PCDHGA6: variants seen among roughly 807,000 people sequenced by gnomAD.
PCDHGA6 encodes the protein protocadherin gamma subfamily A, 6.
In PCDHGA6, 41 loss-of-function variants were observed where a neutral mutation model predicts 60.6. That is an observed-to-expected ratio of 0.68 (90% CI 0.53 to 0.88). The LOEUF (loss-of-function observed/expected upper bound fraction) is 0.88, where lower values mean the gene tolerates loss of function less well. Ranked by LOEUF, PCDHGA6 falls within the 40% of genes least tolerant of loss-of-function variation. PCDHGA6 has a pLI of 0.00. For missense variants in PCDHGA6, 1,312 were observed against 1,203.0 expected (o/e 1.09, Z -1.34); for synonymous variants, 594 against 524.4 (o/e 1.13, Z -1.81).
rs1236813956 is a variant in PCDHGA6, at chr5:141,480,634, TTTCAAAC to T, written c.2425-14170_2425-14164del. On this transcript the variant is annotated intron_variant, in intron 1 of 3. Transcript: ENST00000517434. The stretch of plus-strand genomic sequence containing the variant: ...ACTGGCATTTTCCCTAGAACAATGT[TTTCAAAC>T]TTGGTTGCACATTAAAATCACCTAG... Among the ~76,000 whole-genome samples the T allele has an allele frequency of 3.9e-5, 6 of 152,332 alleles. No individual in the cohort carries two copies. In the East Asian group the frequency reaches 1.2e-3, roughly 29 times the overall value.
At chr5:141,435,863 C>T (rs772361494) in intron 1 of PCDHGA6, among the ~76,000 whole-genome samples, 16 of 151,882 alleles carry the variant, frequency 1.1e-4, no homozygotes, top group Non-Finnish European at 2.2e-4. Context: ...TAGTTAAAAC[C>T]CAGAAAAGAG....
chr5:141,400,516 C>T, intron 1 of PCDHGA6: 2 of 1,613,964 alleles, frequency 1.2e-6, no homozygotes, highest in African/African-American at 1.3e-5. Context: ...GACTTCCCAT[C>T]CTGAGTTGGT....
At chr5:141,468,077 C>T (rs180732917) in intron 1 of PCDHGA6, among the ~76,000 whole-genome samples, 1 of 152,152 alleles carries the variant, frequency 6.6e-6, no homozygotes, top group East Asian at 1.9e-4. Flanking sequence ...GTAATCCCAG[C>T]ACTTTGGGAG....
intron 1 of PCDHGA6, among the ~76,000 whole-genome samples, chr5:141,438,793 C>T (rs982191766): frequency 2.7e-5 from 4 of 149,544 alleles, no homozygotes; most frequent in African/African-American, 7.4e-5. Context: ...TCTCCAGTAG[C>T]TGGGATTACA....
Position 141,477,176 on chromosome 5 carries a change from G to A in PCDHGA6, c.2425-17631G>A. ...GAATGACAACGCCCCGGAGATCACA[G>A]TCACCTCCGTGTACAGCCCAGTACC... On this transcript the variant is annotated intron_variant, in intron 1 of 3. Transcript: ENST00000517434. The surrounding 1 kb of genome is among the most constrained non-coding windows in gnomAD (Gnocchi z 4.9). 2 of 1,614,206 alleles carry A rather than the reference G, an allele frequency of 1.2e-6. No individual in the cohort carries two copies. Among genetic ancestry groups the A allele is most frequent in the Admixed American group, 1.7e-5 (1 of 60,024 alleles).
chr5:141,393,111 C>A (rs762190466), intron 1 of PCDHGA6: 1 of 1,613,380 alleles, frequency 6.2e-7, no homozygotes, highest in African/African-American at 1.3e-5. Flanking sequence ...CGCTCAGAGC[C>A]CGCGGTGTCT....
At chr5:141,448,802 A>G (rs897172074) in intron 1 of PCDHGA6, among the ~76,000 whole-genome samples, 14 of 152,044 alleles carry the variant, frequency 9.2e-5, no homozygotes, top group Non-Finnish European at 1.8e-4. Flanking sequence ...AAAATTAGCC[A>G]GGCGTGATGG....
At chr5:141,404,524 G>C (rs368795324) in intron 1 of PCDHGA6, 3 of 1,613,938 alleles carry the variant, frequency 1.9e-6, no homozygotes, top group Non-Finnish European at 2.5e-6. Context: ...ACTATGAGCA[G>C]TTTAGAGATT....
At position 141,487,769 on chromosome 5, in the gene PCDHGA6, T is replaced by C. The variant is rs775270506; in HGVS notation, c.2425-7038T>C. Reference sequence around the variant, plus strand: ...TAACTATGTGGTAGACGCTGTGCTTTGTAACTGTTTCGTGAATTAACCAGA... The same window carrying C: ...TAACTATGTGGTAGACGCTGTGCTTCGTAACTGTTTCGTGAATTAACCAGA... On this transcript the variant is annotated intron_variant, in intron 1 of 3. Transcript: ENST00000517434. The surrounding 1 kb of genome is among the most constrained non-coding windows in gnomAD (Gnocchi z 5.0). 8 of 1,538,288 alleles carry C rather than the reference T, an allele frequency of 5.2e-6. No homozygotes were observed. The highest frequency in any genetic ancestry group is 1.2e-5 in the South Asian group (1 of 82,608).
At chr5:141,402,391 T>C (rs1344810342) in intron 1 of PCDHGA6, among the ~76,000 whole-genome samples, 3 of 151,962 alleles carry the variant, frequency 2.0e-5, no homozygotes, top group African/African-American at 7.2e-5. Context: ...AAAAATTACT[T>C]CAGAAAATTG....
At position 141,487,144 on chromosome 5, in the gene PCDHGA6, C is replaced by T. The variant is rs2099640304; in HGVS notation, c.2425-7663C>T. The T allele has an allele frequency of 6.2e-7, 1 of 1,614,032 alleles. No homozygotes were observed. Among genetic ancestry groups the T allele is most frequent in the African/African-American group, 1.3e-5 (1 of 75,056 alleles). On this transcript the variant is annotated intron_variant, in intron 1 of 3. Coordinates refer to ENST00000517434, the MANE Select transcript of PCDHGA6 (RefSeq NM_018919.3). This position sits in a 1 kb window ranked among gnomAD's most constrained non-coding sequence, Gnocchi z 5.0. ...ATAGTGGTAGTCCACCACTCTCTAC[C>T]TCTGTTACTCTCTTAGTGTCCTTAG...
intron 2 of PCDHGA6, among the ~76,000 whole-genome samples, chr5:141,502,404 C>G (rs1270930372): frequency 6.6e-6 from 1 of 151,880 alleles, no homozygotes; most frequent in African/African-American, 2.4e-5. Context: ...TGTCCCCGAA[C>G]CTGGATTTGC....
At chr5:141,377,447 A>AG (rs1773997095) in intron 1 of PCDHGA6, 1 of 152,082 alleles carries the variant, frequency 6.6e-6, no homozygotes, top group African/African-American at 2.4e-5. Context: ...AAGAAAAAAA[A>AG]GTAGCCAGAT....
chr5:141,493,908 G>A lies in PCDHGA6; in HGVS notation c.2425-899G>A, dbSNP rs1308946115. ...CTAGGAGTGCTCCATGAGAGTGTGT[G>A]ATGGGATAACACACCCCCTGGAAAG... On this transcript the variant is annotated intron_variant, in intron 1 of 3. Transcript: ENST00000517434. This position sits in a 1 kb window ranked among gnomAD's most constrained non-coding sequence, Gnocchi z 4.3. Among the ~76,000 whole-genome samples the A allele has an allele frequency of 6.6e-6, 1 of 152,208 alleles. No homozygotes were observed. The highest frequency in any genetic ancestry group is 1.5e-5 in the Non-Finnish European group (1 of 68,032).
At chr5:141,441,308 C>T (rs984341964) in intron 1 of PCDHGA6, 2 of 152,164 alleles carry the variant, frequency 1.3e-5, no homozygotes, top group African/African-American at 2.4e-5. Flanking sequence ...TAAGAAAATG[C>T]ACCTTGAGAA....
intron 1 of PCDHGA6, chr5:141,389,390 C>G: frequency 2.5e-6 from 4 of 1,613,718 alleles, no homozygotes; most frequent in Non-Finnish European, 3.4e-6. Context: ...TGTCATCCTA[C>G]GTGTCCATAA....
At chr5:141,391,788 G>GT (rs1373420883) in intron 1 of PCDHGA6, 2 of 152,132 alleles carry the variant, frequency 1.3e-5, no homozygotes, top group African/African-American at 2.4e-5. Flanking sequence ...ACTTTTTGCA[G>GT]TTTTTTAGAT....
At chr5:141,492,008 G>A (rs1201433644) in intron 1 of PCDHGA6, 21 of 616,588 alleles carry the variant, frequency 3.4e-5, no homozygotes, top group Admixed American at 2.9e-4. Flanking sequence ...CGATTTCCGC[G>A]GGTGTCGGGG....
chr5:141,489,951 T>C lies in PCDHGA6; in HGVS notation c.2425-4856T>C. On this transcript the variant is annotated intron_variant, in intron 1 of 3. Coordinates refer to ENST00000517434, the MANE Select transcript of PCDHGA6 (RefSeq NM_018919.3). The surrounding 1 kb of genome is among the most constrained non-coding windows in gnomAD (Gnocchi z 4.5). ...CTGTCATCGTGCTGGACATCAATGATAATGCTCCAACCTTCCAATCCTCAG... is the reference window on the plus strand; with the variant it reads ...CTGTCATCGTGCTGGACATCAATGACAATGCTCCAACCTTCCAATCCTCAG... 6.2e-7 allele frequency: 1 copy of C among 1,614,210 alleles called. No homozygotes were observed. Among genetic ancestry groups the C allele is most frequent in the Non-Finnish European group, 8.5e-7 (1 of 1,180,032 alleles).
Sources: gnomAD v4.1 joint callset for allele counts (sites outside exome capture counted in the v4.1 genomes callset) on GRCh38, gnomAD v4.1.1 for gene constraint, Gnocchi (gnomAD v3.1) non-coding constraint, MANE v1.5 for transcripts, NCBI Gene and HGNC (gene_info 2026-07-23, HGNC 2026-07-21) for gene names.